Variants in TOX2 observed in about 807,000 individuals in gnomAD.
The protein encoded by TOX2 is TOX high mobility group box family member 2.
A neutral mutation model predicts 47.4 loss-of-function variants in TOX2; 15 were observed. That is an observed-to-expected ratio of 0.32 (90% CI 0.21 to 0.49). The LOEUF is 0.49. Among genes scored for constraint, TOX2 ranks in the 20% least tolerant of loss-of-function variants. TOX2 has a pLI of 0.99. For synonymous variants in TOX2, 290 were observed against 296.6 expected (o/e 0.98, Z 0.23); for missense variants, 622 against 673.1 (o/e 0.92, Z 0.84).
intron 4 of TOX2, 112 bp downstream of exon 4, chr20:44,051,657 T>C (rs927724504): frequency 1.4e-6 from 2 of 1,442,682 alleles, no homozygotes; most frequent in South Asian, 1.5e-5. Context: ...AAGCCTGATG[T>C]CCCAAGGTCC....
chr20:43,934,174 C>T (rs887548922), intron 1 of TOX2, among the ~76,000 whole-genome samples: 6 of 106,248 alleles, frequency 5.6e-5, no homozygotes, highest in Non-Finnish European at 1.3e-4. Flanking sequence ...AGAGACCTGC[C>T]CTCAGTCAGA....
chr20:44,041,106 G>A (rs754524444), intron 3 of TOX2, among the ~76,000 whole-genome samples: 4 of 152,176 alleles, frequency 2.6e-5, no homozygotes, highest in Admixed American at 6.5e-5. Context: ...CTGGAGACTC[G>A]CTTCAGGCTG....
intron 3 of TOX2, among the ~76,000 whole-genome samples, chr20:44,041,469 A>T (rs768854255): frequency 1.3e-5 from 2 of 152,024 alleles, no homozygotes; most frequent in Non-Finnish European, 2.9e-5. Flanking sequence ...GCCCTAGAAA[A>T]CCTGGGATGC....
At chr20:44,004,435 G>A (rs774923728) in intron 2 of TOX2, among the ~76,000 whole-genome samples, 1 of 152,118 alleles carries the variant, frequency 6.6e-6, no homozygotes, top group Non-Finnish European at 1.5e-5. Flanking sequence ...GCAGGAAGGT[G>A]GACATGGTCA....
intron 1 of TOX2, among the ~76,000 whole-genome samples, chr20:43,932,920 T>G (rs2069275063): frequency 6.6e-6 from 1 of 152,166 alleles, no homozygotes; most frequent in Non-Finnish European, 1.5e-5. Flanking sequence ...TCCCCGGGGT[T>G]GCTTTTGGGG....
intron 1 of TOX2, among the ~76,000 whole-genome samples, chr20:43,953,511 G>C (rs896938525): frequency 4.6e-5 from 7 of 152,154 alleles, no homozygotes; most frequent in African/African-American, 1.7e-4. Flanking sequence ...CACTCTTTGA[G>C]CCTCTCATTG....
intron 2 of TOX2, among the ~76,000 whole-genome samples, chr20:43,988,287 T>C (rs922103545): frequency 6.6e-5 from 10 of 152,244 alleles, no homozygotes; most frequent in Non-Finnish European, 1.3e-4. Flanking sequence ...TGCTGTGCTG[T>C]GGTGCCAGAA....
At chr20:43,943,026 G>C (rs144035555) in intron 1 of TOX2, among the ~76,000 whole-genome samples, 62 of 152,270 alleles carry the variant, frequency 4.1e-4, no homozygotes, top group Middle Eastern at 3.4e-3. Flanking sequence ...AATATTTATT[G>C]CAACGGCAAG....
intron 5 of TOX2, among the ~76,000 whole-genome samples, chr20:44,062,747 A>AC (rs2071742768): frequency 6.6e-6 from 1 of 152,098 alleles, no homozygotes; most frequent in Non-Finnish European, 1.5e-5. Context: ...TTCAAACTAT[A>AC]TGGCCATAGT....
At chr20:44,054,552 AT>A in intron 5 of TOX2, 26 bp downstream of exon 5, 2 of 1,603,916 alleles carry the variant, frequency 1.2e-6, no homozygotes, top group Non-Finnish European at 1.7e-6. Flanking sequence ...TTTCTGGGCC[AT>A]CCCCTGAGGC....
intron 1 of TOX2, among the ~76,000 whole-genome samples, chr20:43,927,619 T>TCCTCC (rs1569003387): frequency 1.3e-5 from 1 of 75,192 alleles, no homozygotes; most frequent in African/African-American, 1.4e-4. Context: ...CTTCCTTCCT[T>TCCTCC]CCTTCCTCCT....
intron 2 of TOX2, among the ~76,000 whole-genome samples, chr20:43,974,596 G>A (rs1456819912): frequency 6.6e-6 from 1 of 152,226 alleles, no homozygotes; most frequent in Non-Finnish European, 1.5e-5. Context: ...TGGGGGCTAT[G>A]GCAGTCCAAG....
intron 5 of TOX2, among the ~76,000 whole-genome samples, chr20:44,055,692 TGATCC>T (rs761089650): frequency 9.2e-5 from 14 of 152,020 alleles, no homozygotes; most frequent in Non-Finnish European, 2.1e-4. Flanking sequence ...GGGTGCACAG[TGATCC>T]AGGTGGGGGA....
In TOX2 at chr20:43,966,471, G is replaced by C. The variant is rs2069855483; in HGVS notation, c.100-6896G>C. On this transcript the variant is annotated intron_variant, in intron 1 of 8. Transcript: ENST00000341197. ...GGTGGGACGATGTGTAAGAGTGGGGGCACTTGCTGGGTGTGGTGGCTCATG... is the reference window on the plus strand; with the variant it reads ...GGTGGGACGATGTGTAAGAGTGGGGCCACTTGCTGGGTGTGGTGGCTCATG... Among the ~76,000 whole-genome samples, 4 of 152,246 alleles carry C rather than the reference G, an allele frequency of 2.6e-5. No individual in the cohort carries two copies. The South Asian group carries it at 8.3e-4, about 32-fold the overall frequency.
chr20:43,933,571 G>A (rs2069283503), intron 1 of TOX2, among the ~76,000 whole-genome samples: 1 of 152,204 alleles, frequency 6.6e-6, no homozygotes, highest in Non-Finnish European at 1.5e-5. Flanking sequence ...CTGAGACGAG[G>A]GTTCTTGTGC....
At chr20:44,000,558 A>G (rs182431597) in intron 2 of TOX2, among the ~76,000 whole-genome samples, 4 of 152,216 alleles carry the variant, frequency 2.6e-5, no homozygotes, top group East Asian at 1.9e-4. Context: ...ACAGTGGGCT[A>G]TATGAGTCAG....
intron 1 of TOX2, among the ~76,000 whole-genome samples, chr20:43,922,942 A>G (rs551210675): frequency 1.8e-3 from 268 of 152,316 alleles, no homozygotes; most frequent in African/African-American, 6.0e-3. Context: ...TTTGTAATCA[A>G]TTGGCTTAAA....
At chr20:43,978,383 T>A (rs2070116225) in intron 2 of TOX2, among the ~76,000 whole-genome samples, 1 of 152,174 alleles carries the variant, frequency 6.6e-6, no homozygotes, top group South Asian at 2.1e-4. Context: ...AGAGCCCTCT[T>A]CAAGTCACTT....
At position 43,935,176 on chromosome 20, in the gene TOX2, G is replaced by A. The variant is rs533422264; in HGVS notation, c.99+20186G>A. Among the ~76,000 whole-genome samples, 21 of 152,268 alleles carry A rather than the reference G, an allele frequency of 1.4e-4. No homozygotes were observed. In the East Asian group the frequency reaches 3.9e-3, roughly 28 times the overall value. On this transcript the variant is annotated intron_variant, in intron 1 of 8. Transcript: ENST00000341197. ...TTGGGGTGCGTCAGGACCTTGTGGG[G>A]AGGATTCGGTTCTGAATTATTTTCA...
Sources: allele counts gnomAD v4.1 joint callset (sites outside exome capture counted in the v4.1 genomes callset), GRCh38; gene constraint gnomAD v4.1.1; transcripts MANE v1.5; gene names NCBI Gene and HGNC (gene_info 2026-07-23, HGNC 2026-07-21).